The following GTF2H1 variants were observed in gnomAD, a reference collection of about 807,000 sequenced individuals.
The protein encoded by GTF2H1 is BTF2 p62.
A neutral mutation model predicts 71.2 loss-of-function variants in GTF2H1; 16 were observed. The ratio of observed to expected loss-of-function variants is 0.22; its 90% confidence interval spans 0.15 to 0.34. GTF2H1 has a LOEUF of 0.34. Among genes scored for constraint, GTF2H1 ranks in the 10% least tolerant of loss-of-function variants. GTF2H1 has a pLI of 1.00. For synonymous variants in GTF2H1, 215 were observed against 219.0 expected (o/e 0.98, Z 0.16); for missense variants, 498 against 648.2 (o/e 0.77, Z 2.52).
chr11:18,341,975 C>T (rs557124790), intron 7 of GTF2H1: 1 of 174,804 alleles, frequency 5.7e-6, no homozygotes, highest in Non-Finnish European at 1.2e-5. Context: ...TTGTTGATTG[C>T]TTACTATCTG....
intron 13 of GTF2H1, among the ~76,000 whole-genome samples, chr11:18,359,395 T>G (rs983107145): frequency 4.6e-5 from 7 of 152,090 alleles, no homozygotes; most frequent in Non-Finnish European, 7.3e-5. Context: ...ATAAATAAAT[T>G]TTTTAAAAGA....
chr11:18,326,505 G>A (rs1193372053), intron 1 of GTF2H1, among the ~76,000 whole-genome samples: 1 of 138,154 alleles, frequency 7.2e-6, no homozygotes, highest in African/African-American at 2.8e-5. Context: ...CTGGGTGACA[G>A]AACAAGACTC....
intron 9 of GTF2H1, among the ~76,000 whole-genome samples, chr11:18,349,470 G>T (rs1342040455): frequency 6.6e-6 from 1 of 152,110 alleles, no homozygotes; most frequent in Non-Finnish European, 1.5e-5. Context: ...ATCACTTGAG[G>T]TCAGAATTTC....
intron 4 of GTF2H1, among the ~76,000 whole-genome samples, chr11:18,338,878 C>T (rs1446774809): frequency 1.3e-5 from 2 of 152,172 alleles, no homozygotes; most frequent in East Asian, 1.9e-4. Context: ...GAAAATGACT[C>T]TTTCAGAGTT....
intron 1 of GTF2H1, among the ~76,000 whole-genome samples, chr11:18,327,086 T>C (rs1864785213): frequency 6.6e-6 from 1 of 152,170 alleles, no homozygotes; most frequent in African/African-American, 2.4e-5. Flanking sequence ...TGCATAGTTA[T>C]ATGTTTATTG....
At chr11:18,356,023 T>G (rs1865535861) in intron 11 of GTF2H1, among the ~76,000 whole-genome samples, 2 of 152,100 alleles carry the variant, frequency 1.3e-5, no homozygotes, top group Non-Finnish European at 2.9e-5. Flanking sequence ...TGTTCCAGGC[T>G]TATCTTACAT....
intron 14 of GTF2H1, 23 bp from the exon 15 acceptor site, chr11:18,365,760 A>T: frequency 6.4e-7 from 1 of 1,556,690 alleles, no homozygotes; most frequent in South Asian, 1.1e-5. Context: ...CCCAGTTGTT[A>T]AGTGTCTTGC....
chr11:18,323,501 G>C (rs111496508), intron 1 of GTF2H1, among the ~76,000 whole-genome samples: 1 of 151,878 alleles, frequency 6.6e-6, no homozygotes, highest in South Asian at 2.1e-4. Flanking sequence ...AATGGGGATG[G>C]GGAAAGAAGA....
At chr11:18,333,354 G>A (rs1864946582) in intron 2 of GTF2H1, 126 bp downstream of exon 2, 3 of 673,834 alleles carry the variant, frequency 4.5e-6, no homozygotes, top group African/African-American at 1.8e-5. Context: ...TACAAAATGG[G>A]GTCACTGAAT....
At chr11:18,330,886 G>C (rs60889939) in intron 1 of GTF2H1, among the ~76,000 whole-genome samples, 1 of 151,900 alleles carries the variant, frequency 6.6e-6, no homozygotes, top group Non-Finnish European at 1.5e-5. Flanking sequence ...TTCTGTTCTC[G>C]GGATAGAATA....
At chr11:18,353,235 G>A (rs4150653) in intron 11 of GTF2H1, among the ~76,000 whole-genome samples, 107,778 of 152,190 alleles carry the variant, frequency 0.71, 38,544 homozygotes, top group East Asian at 0.97. Flanking sequence ...CAAATAGATA[G>A]ATAAATATTT....
At chr11:18,329,047 CAA>C (rs763913422) in intron 1 of GTF2H1, among the ~76,000 whole-genome samples, 3 of 151,938 alleles carry the variant, frequency 2.0e-5, no homozygotes, top group Admixed American at 6.6e-5. Context: ...TGTAAGAAAA[CAA>C]ATTCTCAGTG....
intron 1 of GTF2H1, among the ~76,000 whole-genome samples, chr11:18,328,527 A>C (rs1864822315): frequency 1.3e-5 from 2 of 148,626 alleles, no homozygotes; most frequent in Non-Finnish European, 3.0e-5. Flanking sequence ...AAAAAAAAAA[A>C]AATTTTATGG....
intron 11 of GTF2H1, among the ~76,000 whole-genome samples, chr11:18,356,838 G>A (rs1865562995): frequency 6.9e-6 from 1 of 145,588 alleles, no homozygotes; most frequent in Admixed American, 7.0e-5. Context: ...TGCCCAGGCT[G>A]GAGTGCAGTG....
At chr11:18,346,570 A>AAT (rs1865297940) in intron 7 of GTF2H1, among the ~76,000 whole-genome samples, 7 of 152,120 alleles carry the variant, frequency 4.6e-5, no homozygotes, top group Admixed American at 2.6e-4. Context: ...TGCACTCAAT[A>AAT]CATGTTTTAA....
intron 7 of GTF2H1, 102 bp downstream of exon 7, chr11:18,341,709 T>G: frequency 1.5e-6 from 1 of 688,652 alleles, no homozygotes; most frequent in South Asian, 2.0e-5. Flanking sequence ...GAATGTCAAA[T>G]AAGCAAAATA....
intron 11 of GTF2H1, among the ~76,000 whole-genome samples, chr11:18,356,462 T>C (rs1221570908): frequency 2.0e-5 from 3 of 151,978 alleles, no homozygotes; most frequent in East Asian, 1.9e-4. Flanking sequence ...AAAATACATA[T>C]GTGTACATAA....
chr11:18,360,851 G>A (rs1205432591), intron 14 of GTF2H1, 144 bp downstream of exon 14: 1 of 554,006 alleles, frequency 1.8e-6, no homozygotes, highest in Non-Finnish European at 3.1e-6. Flanking sequence ...TGTCGCCCAG[G>A]CTGGAGTACA....
chr11:18,347,230 C>T lies in GTF2H1; in HGVS notation c.838-358C>T, dbSNP rs146848495. 1,191 of 168,808 alleles carry T rather than the reference C, an allele frequency of 7.1e-3. 7 individuals are homozygous for T. Among genetic ancestry groups the T allele is most frequent in the South Asian group, 0.011 (74 of 6,828 alleles). The allele number at this position is 168,808 out of a possible 1,614,324, so 10.5% of individuals were successfully genotyped here. A position where few individuals can be genotyped will look rare whatever the true frequency, so the allele number is the denominator to read the frequency against. The stretch of plus-strand genomic sequence containing the variant: ...TCTACTAAAAATACAAAATATTAGC[C>T]GGGCGTGGTGGCAGGCGCCTGTAAT... On this transcript the variant is annotated intron_variant, in intron 7 of 14. Coordinates refer to ENST00000265963, the MANE Select transcript of GTF2H1 (RefSeq NM_005316.4).
Sources: allele counts gnomAD v4.1 joint callset (sites outside exome capture counted in the v4.1 genomes callset), GRCh38; gene constraint gnomAD v4.1.1; transcripts MANE v1.5; gene names NCBI Gene and HGNC (gene_info 2026-07-23, HGNC 2026-07-21).